The following POLA1 variants were observed in gnomAD, a reference collection of about 807,000 sequenced individuals.
The protein encoded by POLA1 is DNA polymerase alpha catalytic subunit.
In POLA1, 15 loss-of-function variants were observed where a neutral mutation model predicts 124.0. That is an observed-to-expected ratio of 0.12 (90% CI 0.08 to 0.19). POLA1 has a LOEUF of 0.19. POLA1 is among the 10% of genes least tolerant of loss of function. The probability of loss-of-function intolerance (pLI) is 1.00; values close to 1 mark genes in which losing one functional copy is unlikely to be tolerated. For synonymous variants in POLA1, 408 were observed against 389.4 expected, an observed-to-expected ratio of 1.05 and a Z score of -0.56; for missense variants, 886 against 1,103.4, an observed-to-expected ratio of 0.80 and a Z score of 2.79.
chrX:24,718,732 G>A (rs903249241), intron 10 of POLA1, among the ~76,000 whole-genome samples: 1 of 111,867 alleles, frequency 8.9e-6, no homozygotes, highest in Admixed American at 9.4e-5. Context: ...TGGAGGGATG[G>A]GCTGGTGTAG....
chrX:24,800,918 G>A (rs1269672511), intron 26 of POLA1, among the ~76,000 whole-genome samples: 1 of 112,142 alleles, frequency 8.9e-6, no homozygotes, highest in Non-Finnish European at 1.9e-5. Flanking sequence ...ATAATGGAGA[G>A]ATACTCATAA....
At chrX:24,854,987 A>G (rs2046623761) in intron 34 of POLA1, among the ~76,000 whole-genome samples, 1 of 112,149 alleles carries the variant, frequency 8.9e-6, no homozygotes, top group African/African-American at 3.2e-5. Context: ...TTGTAGCAAC[A>G]TTTTGTGAGA....
intron 30 of POLA1, among the ~76,000 whole-genome samples, chrX:24,817,022 A>G (rs980088618): frequency 2.7e-5 from 3 of 111,909 alleles, no homozygotes; most frequent in Non-Finnish European, 3.8e-5. Flanking sequence ...GTGACATTCT[A>G]TTATTAACAA....
At chrX:24,771,384 A>T (rs1033815623) in intron 26 of POLA1, among the ~76,000 whole-genome samples, 3 of 111,874 alleles carry the variant, frequency 2.7e-5, no homozygotes, top group Non-Finnish European at 3.8e-5. Flanking sequence ...CAGTACCTAG[A>T]CATTGCTCTT....
intron 26 of POLA1, among the ~76,000 whole-genome samples, chrX:24,759,739 C>T (rs1932767384): frequency 8.9e-6 from 1 of 112,018 alleles, no homozygotes; most frequent in Non-Finnish European, 1.9e-5. Context: ...GCTATTAAGA[C>T]TGACCTTGTG....
intron 4 of POLA1, among the ~76,000 whole-genome samples, chrX:24,713,369 A>G (rs1929601649): frequency 8.9e-6 from 1 of 111,774 alleles, no homozygotes; most frequent in African/African-American, 3.3e-5. Context: ...AAAAGTTTGT[A>G]GGTGATTTAC....
At chrX:24,815,289 C>T (rs1478746067) in intron 30 of POLA1, among the ~76,000 whole-genome samples, 178 bp downstream of exon 30, 1 of 111,320 alleles carries the variant, frequency 9.0e-6, no homozygotes, top group African/African-American at 3.3e-5. Flanking sequence ...ACAGGTACTG[C>T]CATGTCTGCC....
intron 4 of POLA1, among the ~76,000 whole-genome samples, chrX:24,706,250 C>T (rs1204514799): frequency 1.8e-5 from 2 of 111,660 alleles, no homozygotes; most frequent in Non-Finnish European, 3.8e-5. Context: ...GGTGAGAGCC[C>T]CTTTAAGCCA....
intron 35 of POLA1, among the ~76,000 whole-genome samples, chrX:24,923,547 C>T (rs775354886): frequency 2.7e-5 from 3 of 111,882 alleles, no homozygotes; most frequent in Admixed American, 1.9e-4. Context: ...TTAAGCCCAT[C>T]GTTATCAAGA....
intron 34 of POLA1, among the ~76,000 whole-genome samples, chrX:24,867,245 T>G (rs2046806908): frequency 9.0e-6 from 1 of 111,700 alleles, no homozygotes; most frequent in Admixed American, 9.5e-5. Flanking sequence ...AGTGGGTTTT[T>G]TCAATATGTG....
chrX:24,766,002 A>G (rs1456876495), intron 26 of POLA1, among the ~76,000 whole-genome samples: 3 of 112,360 alleles, frequency 2.7e-5, no homozygotes, highest in African/African-American at 9.7e-5. Context: ...TTTTTGAGTG[A>G]TATCCATGTT....
intron 36 of POLA1, among the ~76,000 whole-genome samples, chrX:24,937,398 C>A (rs1430672111): frequency 9.0e-6 from 1 of 111,346 alleles, no homozygotes; most frequent in Non-Finnish European, 1.9e-5. Flanking sequence ...TATAGCTTTT[C>A]TTTTTCTTTA....
chrX:24,949,625 C>A (rs2048008765), intron 36 of POLA1, among the ~76,000 whole-genome samples: 1 of 105,801 alleles, frequency 9.5e-6, no homozygotes, highest in African/African-American at 3.4e-5. Context: ...AAAAAAAATC[C>A]AGCAGACATA....
chrX:24,819,222 T>C (rs1250313370), intron 30 of POLA1, among the ~76,000 whole-genome samples: 1 of 112,643 alleles, frequency 8.9e-6, no homozygotes, highest in Non-Finnish European at 1.9e-5. Context: ...ATATCAAAAA[T>C]TACGTTTTAA....
At chrX:24,819,517 TCAAA>T (rs2046050653) in intron 30 of POLA1, among the ~76,000 whole-genome samples, 5 of 111,995 alleles carry the variant, frequency 4.5e-5, no homozygotes, top group South Asian at 3.7e-4. Flanking sequence ...AGCTTGCAAC[TCAAA>T]CAGTTGCACA....
At chrX:24,984,299 G>A (rs960845218) in intron 36 of POLA1, among the ~76,000 whole-genome samples, 17 of 111,963 alleles carry the variant, frequency 1.5e-4, no homozygotes, top group African/African-American at 4.9e-4. Context: ...TGAGGATGGC[G>A]AGTTTCAGTT....
intron 31 of POLA1, among the ~76,000 whole-genome samples, chrX:24,824,813 CAG>C (rs1183678683): frequency 2.7e-5 from 3 of 111,280 alleles, no homozygotes; most frequent in African/African-American, 9.8e-5. Context: ...AAAGCATGCT[CAG>C]AAAGTTTTCA....
rs1931346707 is a variant in POLA1, at chrX:24,737,486, C to T, written c.1924-139C>T. The T allele has an allele frequency of 9.4e-6, 4 of 427,112 alleles. No individual in the cohort carries two copies. The East Asian group carries it at 1.7e-4, about 18-fold the overall frequency. 35.2% of individuals were successfully genotyped at this position (427,112 alleles called of 1,213,427 possible). A position where few individuals can be genotyped will look rare whatever the true frequency, so the allele number is the denominator to read the frequency against. On this transcript the variant is annotated intron_variant, in intron 18 of 36. Coordinates refer to ENST00000379068, the MANE Select transcript of POLA1 (RefSeq NM_001330360.2). ...AATAAATTCCTGAAGAAGAAAGGAC[C>T]CCCAATCGGAGGTAAGTGCATGATG...
intron 35 of POLA1, among the ~76,000 whole-genome samples, chrX:24,901,925 G>A (rs1489509233): frequency 1.8e-5 from 2 of 111,576 alleles, no homozygotes; most frequent in Non-Finnish European, 3.8e-5. Context: ...AATGAGTTGT[G>A]TTTGACTTTC....
Sources: allele counts gnomAD v4.1 joint callset (sites outside exome capture counted in the v4.1 genomes callset), GRCh38; gene constraint gnomAD v4.1.1; transcripts MANE v1.5; gene names NCBI Gene and HGNC (gene_info 2026-07-23, HGNC 2026-07-21).